The following PCDH11X variants were observed in gnomAD, a reference collection of about 807,000 sequenced individuals.
PCDH11X encodes protocadherin 11 X-linked, also known as protocadherin-11 X-linked.
In PCDH11X, 18 loss-of-function variants were observed where a neutral mutation model predicts 53.3. The ratio of observed to expected loss-of-function variants is 0.34; its 90% CI spans 0.23 to 0.50. PCDH11X has a LOEUF of 0.50. Ranked by LOEUF, PCDH11X falls within the 20% of genes least tolerant of loss-of-function variation. The probability of loss-of-function intolerance (pLI) is 0.98; values close to 1 mark genes in which losing one functional copy is unlikely to be tolerated. For missense variants in PCDH11X, 570 were observed against 1,032.4 expected (o/e 0.55, Z 6.14); for synonymous variants, 279 against 393.3 (o/e 0.71, Z 3.44).
rs973792582 is a variant in PCDH11X at position 92,155,882 on chromosome X, C to A, written c.3034-45493C>A. Among the ~76,000 whole-genome samples the A allele has an allele frequency of 8.3e-5, 9 of 108,379 alleles. 1 individual carries two copies. In the Admixed American group the frequency reaches 8.9e-4, roughly 11 times the overall value. 94.1% of individuals were successfully genotyped at this position (108,379 alleles called of 115,157 possible). A position where few individuals can be genotyped will look rare whatever the true frequency, so the allele number is the denominator to read the frequency against. On this transcript the variant is annotated intron_variant, in intron 6 of 10. Transcript: ENST00000682573. Reference sequence around the variant, plus strand: ...TGACCTCGTGATCCGCTTGCCTCGGCTTCCCAAAGCCCTGGGATTACAGGC... The same window carrying A: ...TGACCTCGTGATCCGCTTGCCTCGGATTCCCAAAGCCCTGGGATTACAGGC...
At chrX:92,113,977 A>C (rs1421853594) in intron 6 of PCDH11X, 2 of 1,206,609 alleles carry the variant, frequency 1.7e-6, no homozygotes, top group African/African-American at 1.8e-5. Context: ...CATATCAAAC[A>C]CACAGCTAGG....
chrX:92,204,798 A>T (rs920018832), intron 7 of PCDH11X, among the ~76,000 whole-genome samples: 2 of 111,994 alleles, frequency 1.8e-5, no homozygotes, highest in Non-Finnish European at 3.8e-5. Context: ...GAAGGGTTTT[A>T]ATTGACTCAC....
intron 7 of PCDH11X, among the ~76,000 whole-genome samples, chrX:92,234,258 C>T (rs2067131823): frequency 1.8e-5 from 2 of 111,962 alleles, no homozygotes; most frequent in Admixed American, 1.9e-4. Context: ...TACAAGAAGA[C>T]TCTCACTAGT....
At chrX:91,889,812 G>A (rs1940393394) in intron 6 of PCDH11X, among the ~76,000 whole-genome samples, 1 of 109,394 alleles carries the variant, frequency 9.1e-6, no homozygotes, top group Admixed American at 9.9e-5. Context: ...ACTACAGAAT[G>A]ATATTGTAAA....
chrX:92,565,196 TAG>T (rs1312235561), intron 10 of PCDH11X, among the ~76,000 whole-genome samples: 1 of 100,000 alleles, frequency 1.0e-5, no homozygotes, highest in Non-Finnish European at 2.0e-5. Context: ...ACAACCACAA[TAG>T]AGAGTGCTTT....
At chrX:92,408,565 T>A (rs1429918419) in intron 9 of PCDH11X, among the ~76,000 whole-genome samples, 3 of 110,215 alleles carry the variant, frequency 2.7e-5, no homozygotes, top group Non-Finnish European at 5.7e-5. Context: ...AATAGTATTT[T>A]TTTTATTTTT....
At chrX:92,379,741 G>A (rs1342241569) in intron 8 of PCDH11X, among the ~76,000 whole-genome samples, 2 of 110,336 alleles carry the variant, frequency 1.8e-5, no homozygotes, top group Admixed American at 9.6e-5. Flanking sequence ...CCCGTCTCAA[G>A]CCCATAAAAA....
rs190634081 is a variant in PCDH11X at position 92,416,613 on chromosome X, T to C, written c.3343+28680T>C. Among the ~76,000 whole-genome samples, 920 of 110,475 alleles carry C rather than the reference T, an allele frequency of 8.3e-3. 11 individuals are homozygous for C. The highest frequency in any genetic ancestry group is 0.029 in the African/African-American group (881 of 30,379). ...AATAACTAGAGAAGTGGAGTTAAAA[T>C]ATTCCTAACACAAAGAAATGATAAA... On this transcript the variant is annotated intron_variant, in intron 9 of 10. Coordinates refer to ENST00000682573, the MANE Select transcript of PCDH11X (RefSeq NM_032968.5).
At chrX:92,566,685 A>G (rs1312126295) in intron 10 of PCDH11X, among the ~76,000 whole-genome samples, 2 of 111,409 alleles carry the variant, frequency 1.8e-5, no homozygotes, top group Non-Finnish European at 1.9e-5. Flanking sequence ...CAAAAAATCT[A>G]TTTTCACTTT....
At chrX:91,814,127 T>G (rs1008254804) in intron 4 of PCDH11X, among the ~76,000 whole-genome samples, 7 of 109,505 alleles carry the variant, frequency 6.4e-5, no homozygotes, top group Non-Finnish European at 1.1e-4. Context: ...ATTACAGAGT[T>G]TCAAGATATA....
intron 6 of PCDH11X, among the ~76,000 whole-genome samples, chrX:91,886,220 C>T (rs1022775897): frequency 1.1e-4 from 12 of 111,292 alleles, no homozygotes; most frequent in African/African-American, 2.0e-4. Flanking sequence ...TGTCATTCAT[C>T]GACTACGGGA....
chrX:91,936,568 A>T (rs1471809107), intron 6 of PCDH11X, among the ~76,000 whole-genome samples: 10 of 106,728 alleles, frequency 9.4e-5, no homozygotes, highest in Non-Finnish European at 1.9e-4. Flanking sequence ...TATATTATAT[A>T]ATATAGTATA....
intron 6 of PCDH11X, chrX:91,982,744 C>T: frequency 1.2e-6 from 1 of 816,250 alleles, no homozygotes; most frequent in Middle Eastern, 4.2e-4. Context: ...AGTTTGATAC[C>T]TGGCTTTAGG....
chrX:92,188,254 C>T lies in PCDH11X; in HGVS notation c.3034-13121C>T, dbSNP rs189881906. On this transcript the variant is annotated intron_variant, in intron 6 of 10. Coordinates refer to ENST00000682573, the MANE Select transcript of PCDH11X (RefSeq NM_032968.5). ...TTCTCGCTCCAGCCTCTACATTTCT[C>T]GTTATTGATTGATTTATTCCATTAG... Among the ~76,000 whole-genome samples the T allele has an allele frequency of 3.0e-4, 33 of 111,302 alleles. 1 individual carries two copies. Among genetic ancestry groups the T allele is most frequent in the African/African-American group, 1.0e-3 (31 of 30,657 alleles).
intron 6 of PCDH11X, among the ~76,000 whole-genome samples, chrX:91,920,007 C>A (rs190659658): frequency 1.3e-3 from 145 of 111,487 alleles, no homozygotes; most frequent in African/African-American, 4.5e-3. Context: ...TATTTTTGCC[C>A]TTTACAGAGT....
intron 1 of PCDH11X, among the ~76,000 whole-genome samples, chrX:91,788,383 G>A (rs1183442502): frequency 8.9e-6 from 1 of 111,816 alleles, no homozygotes; most frequent in East Asian, 2.8e-4. Flanking sequence ...CAAGTGAATG[G>A]ATTCAAGTAT....
intron 6 of PCDH11X, among the ~76,000 whole-genome samples, chrX:92,041,794 C>T (rs1042693897): frequency 9.0e-6 from 1 of 111,019 alleles, no homozygotes; most frequent in African/African-American, 3.3e-5. Flanking sequence ...CACGGCGAAA[C>T]CCCATCTCTA....
At chrX:92,052,800 C>T (rs2063386256) in intron 6 of PCDH11X, among the ~76,000 whole-genome samples, 1 of 104,312 alleles carries the variant, frequency 9.6e-6, no homozygotes, top group South Asian at 4.6e-4. Context: ...AGCACTTTCC[C>T]TAGAATTCTT....
At chrX:92,611,047 TC>T (rs1373431825) in intron 10 of PCDH11X, among the ~76,000 whole-genome samples, 4 of 111,191 alleles carry the variant, frequency 3.6e-5, no homozygotes, top group Non-Finnish European at 7.6e-5. Flanking sequence ...CCAGCTTTGT[TC>T]TTTTTGCTTA....
Sources: gnomAD v4.1 joint callset for allele counts (sites outside exome capture counted in the v4.1 genomes callset) on GRCh38, gnomAD v4.1.1 for gene constraint, MANE v1.5 for transcripts, NCBI Gene and HGNC (gene_info 2026-07-23, HGNC 2026-07-21) for gene names.